The following GRIN2B variants were observed in gnomAD, a reference collection of about 807,000 sequenced individuals.
GRIN2B encodes the protein glutamate ionotropic receptor NMDA type subunit 2B, also known as glutamate receptor ionotropic, NMDA 2B.
Under a neutral mutation model 114.5 loss-of-function variants are expected in GRIN2B, and 5 were observed. That is an observed-to-expected ratio of 0.04 (90% CI 0.02 to 0.09). GRIN2B has a LOEUF of 0.09. GRIN2B is among the 10% of genes least tolerant of loss of function. The pLI is 1.00. For synonymous variants in GRIN2B, 787 were observed against 745.1 expected (o/e 1.06, Z -0.92); for missense variants, 1,108 against 1,943.5 (o/e 0.57, Z 8.08).
chr12:13,605,551 T>TCTCTCTCTCTCTCTCTCACACACACA, intron 10 of GRIN2B, among the ~76,000 whole-genome samples: 1 of 30,502 alleles, frequency 3.3e-5, no homozygotes, highest in Non-Finnish European at 7.3e-5. Flanking sequence ...TCTCTCTCTC[T>TCTCTCTCTCTCTCTCTCACACACACA]GACACACACA....
At chr12:13,890,560 G>A (rs915294831) in intron 2 of GRIN2B, among the ~76,000 whole-genome samples, 1 of 152,082 alleles carries the variant, frequency 6.6e-6, no homozygotes, top group Non-Finnish European at 1.5e-5. Flanking sequence ...GAAAACCAGG[G>A]GACTTGGTAT....
chr12:13,800,218 G>A (rs550984787), intron 3 of GRIN2B, among the ~76,000 whole-genome samples: 3 of 152,200 alleles, frequency 2.0e-5, no homozygotes, highest in Admixed American at 1.3e-4. Context: ...CAATTTTGAC[G>A]TTAAGGACCC....
intron 5 of GRIN2B, among the ~76,000 whole-genome samples, chr12:13,673,824 A>C (rs1321837699): frequency 6.6e-6 from 1 of 151,992 alleles, no homozygotes; most frequent in African/African-American, 2.4e-5. Context: ...AGCCTACTGC[A>C]AAGAAAGCTG....
chr12:13,640,406 C>G (rs2136506364), intron 5 of GRIN2B, among the ~76,000 whole-genome samples: 1 of 152,248 alleles, frequency 6.6e-6, no homozygotes, highest in South Asian at 2.1e-4. Context: ...CATACTGCCC[C>G]TTGCCCTGCT....
At chr12:13,870,459 G>T (rs1865887689) in intron 2 of GRIN2B, among the ~76,000 whole-genome samples, 1 of 152,092 alleles carries the variant, frequency 6.6e-6, no homozygotes, top group Non-Finnish European at 1.5e-5. Flanking sequence ...CTTCATGCTG[G>T]TAACTGGTAC....
At chr12:13,869,885 T>A (rs1050717625) in intron 2 of GRIN2B, among the ~76,000 whole-genome samples, 2 of 152,198 alleles carry the variant, frequency 1.3e-5, no homozygotes, top group Admixed American at 1.3e-4. Flanking sequence ...ACCAGGATAA[T>A]ATACCTAACC....
chr12:13,965,127 C>G (rs1030324611), intron 2 of GRIN2B, among the ~76,000 whole-genome samples: 7 of 152,162 alleles, frequency 4.6e-5, no homozygotes, highest in African/African-American at 1.7e-4. Flanking sequence ...CTTACTTTTC[C>G]TTAATTACAT....
chr12:13,617,566 T>C (rs1949460187), intron 5 of GRIN2B, among the ~76,000 whole-genome samples: 1 of 152,216 alleles, frequency 6.6e-6, no homozygotes, highest in Admixed American at 6.5e-5. Context: ...GTTGGGGGGT[T>C]CTCATTCTCT....
At chr12:13,572,897 TG>T (rs1948724365) in intron 10 of GRIN2B, among the ~76,000 whole-genome samples, 2 of 152,236 alleles carry the variant, frequency 1.3e-5, no homozygotes, top group South Asian at 4.1e-4. Context: ...CATCAGAACC[TG>T]TTATTCTTTG....
At chr12:13,586,914 A>C (rs918568833) in intron 10 of GRIN2B, among the ~76,000 whole-genome samples, 1 of 152,148 alleles carries the variant, frequency 6.6e-6, no homozygotes, top group Non-Finnish European at 1.5e-5. Flanking sequence ...CTGTCTTCTT[A>C]TTCATTCATT....
chr12:13,630,753 A>G (rs935363420), intron 5 of GRIN2B, among the ~76,000 whole-genome samples: 2 of 152,214 alleles, frequency 1.3e-5, no homozygotes, highest in African/African-American at 4.8e-5. Flanking sequence ...GCTGACCCAA[A>G]GAAGGCTGAG....
intron 10 of GRIN2B, among the ~76,000 whole-genome samples, chr12:13,576,411 A>T (rs1948777600): frequency 6.6e-6 from 1 of 152,236 alleles, no homozygotes; most frequent in African/African-American, 2.4e-5. Flanking sequence ...TTAATAGAAC[A>T]GTGAGGACCC....
At chr12:13,597,982 C>G (rs758525292) in intron 10 of GRIN2B, among the ~76,000 whole-genome samples, 1 of 152,220 alleles carries the variant, frequency 6.6e-6, no homozygotes, top group Non-Finnish European at 1.5e-5. Flanking sequence ...GATGCCAGCT[C>G]TTACAGATCC....
intron 2 of GRIN2B, among the ~76,000 whole-genome samples, chr12:13,953,082 T>C (rs1314188161): frequency 6.6e-6 from 1 of 152,002 alleles, no homozygotes; most frequent in African/African-American, 2.4e-5. Flanking sequence ...TAGAATCATC[T>C]GAAACTTCTC....
At chr12:13,687,482 A>G (rs994935299) in intron 4 of GRIN2B, among the ~76,000 whole-genome samples, 3 of 152,154 alleles carry the variant, frequency 2.0e-5, no homozygotes, top group African/African-American at 4.8e-5. Context: ...ATTCACAGCC[A>G]TAACATCAAC....
At chr12:13,768,261 A>G (rs1043402354) in intron 3 of GRIN2B, among the ~76,000 whole-genome samples, 2 of 152,196 alleles carry the variant, frequency 1.3e-5, no homozygotes, top group Non-Finnish European at 2.9e-5. Context: ...ACCTGGCCGA[A>G]GCAGACCATC....
chr12:13,650,536 C>T (rs762170743), intron 5 of GRIN2B, among the ~76,000 whole-genome samples: 17 of 152,160 alleles, frequency 1.1e-4, no homozygotes, highest in African/African-American at 1.2e-4. Context: ...AGATTCAGGA[C>T]GACCAGCCAC....
chr12:13,811,883 A>G (rs1384304570), intron 3 of GRIN2B, among the ~76,000 whole-genome samples: 2 of 152,234 alleles, frequency 1.3e-5, no homozygotes, highest in African/African-American at 4.8e-5. Context: ...ATGTATGAAC[A>G]TGTAGTAAAC....
intron 2 of GRIN2B, among the ~76,000 whole-genome samples, chr12:13,885,182 T>C (rs1866134205): frequency 6.6e-6 from 1 of 152,086 alleles, no homozygotes; most frequent in South Asian, 2.1e-4. Context: ...TTGGGAGAAG[T>C]TAGTGGTGGG....
Sources: gnomAD v4.1 joint callset for allele counts (sites outside exome capture counted in the v4.1 genomes callset) on GRCh38, gnomAD v4.1.1 for gene constraint, MANE v1.5 for transcripts, NCBI Gene and HGNC (gene_info 2026-07-23, HGNC 2026-07-21) for gene names.